The following MANSC1 variants were observed in gnomAD, a reference collection of about 807,000 sequenced individuals.
The protein encoded by MANSC1 is MANSC domain containing 1, also known as MANSC domain-containing protein 1.
Under a neutral mutation model 14.1 loss-of-function variants are expected in MANSC1, and 13 were observed. That is an observed-to-expected ratio of 0.92 (90% confidence interval 0.60 to 1.46). MANSC1 has a LOEUF of 1.46. MANSC1 is among the 40% of genes most tolerant of loss of function. The pLI is 0.00. For synonymous variants in MANSC1, 227 were observed against 200.7 expected (o/e 1.13, Z -1.11); for missense variants, 486 against 511.4 (o/e 0.95, Z 0.48).
intron 1 of MANSC1, among the ~76,000 whole-genome samples, chr12:12,344,968 T>TATATATATATATATATA (rs71061046): frequency 1.9e-5 from 2 of 104,444 alleles, no homozygotes; most frequent in South Asian, 3.3e-4. Flanking sequence ...TATATATATA[T>TATATATATATATATATA]TACACTAGTT....
intron 3 of MANSC1, among the ~76,000 whole-genome samples, 162 bp from the exon 4 acceptor site, chr12:12,331,120 T>C (rs1041266598): frequency 6.6e-6 from 1 of 152,216 alleles, no homozygotes; most frequent in African/African-American, 2.4e-5. Context: ...GGCAGGAGGA[T>C]GGTTTGAGGC....
At chr12:12,341,886 G>A (rs968713522) in intron 2 of MANSC1, among the ~76,000 whole-genome samples, 1 of 152,228 alleles carries the variant, frequency 6.6e-6, no homozygotes, top group Non-Finnish European at 1.5e-5. Flanking sequence ...CAGCTACCCG[G>A]GAGGCTGAGG....
Position 12,343,227 on chromosome 12 carries a change from G to A in MANSC1, c.88C>T (p.Leu30Phe). The change falls in exon 2 of 4, where the codon CTC becomes TTC. Residue 30 changes from leucine (L) to phenylalanine (F), a missense_variant. Coordinates refer to ENST00000535902, the MANE Select transcript of MANSC1 (RefSeq NM_018050.4). ...TLRLSASQNC[L>F]KKSLEDVVID... The stretch of plus-strand genomic sequence containing the variant: ...ACAACATCTTCTAGACTCTTTTTGA[G>A]GCAATTCTGACTAGCAGACAGCCTT... The A allele has an allele frequency of 1.2e-6, 2 of 1,614,050 alleles. No individual in the cohort carries two copies. The highest frequency in any genetic ancestry group is 1.7e-6 in the Non-Finnish European group (2 of 1,179,952).
intron 1 of MANSC1, 40 bp from the exon 2 acceptor site, chr12:12,343,454 T>G: frequency 6.7e-6 from 4 of 593,800 alleles, no homozygotes; most frequent in Non-Finnish European, 1.2e-5. Context: ...GTTTTGTTTC[T>G]TTAACAAACA....
rs1332133124 is a variant in MANSC1, at chr12:12,338,544, G to A, written c.240C>T (p.Asn80=). 2 of 1,612,774 alleles carry A rather than the reference G, an allele frequency of 1.2e-6. No homozygotes were observed. The highest frequency in any genetic ancestry group is 2.7e-5 in the African/African-American group (2 of 74,846). The change falls in exon 3 of 4, where the codon AAC becomes AAT. Residue 80 remains asparagine (N), a synonymous_variant. Coordinates refer to ENST00000535902, the MANE Select transcript of MANSC1 (RefSeq NM_018050.4). ...TTTTTCGAGTGTCGAAGATCATCAA[G>A]TTACATGCTTTGTCCCCTGCAATGA... ...TKNISGDKAC[N]LMIFDTRKTA...
chr12:12,349,921 G>A (rs1171562061), intron 1 of MANSC1, among the ~76,000 whole-genome samples, 157 bp downstream of exon 1: 2 of 152,218 alleles, frequency 1.3e-5, no homozygotes, highest in Non-Finnish European at 2.9e-5. Flanking sequence ...GCGACTCAAG[G>A]ATCCTGGTCA....
At chr12:12,348,547 G>A (rs551818986) in intron 1 of MANSC1, among the ~76,000 whole-genome samples, 1 of 152,244 alleles carries the variant, frequency 6.6e-6, no homozygotes, top group Admixed American at 6.5e-5. Flanking sequence ...AGGAGTGGGA[G>A]GATGAATCGG....
rs1158396206 is a variant in MANSC1, at chr12:12,330,242, C to T, written c.1081G>A (p.Glu361Lys). The T allele has an allele frequency of 1.2e-6, 2 of 1,614,122 alleles. No individual in the cohort carries two copies. The highest frequency in any genetic ancestry group is 1.1e-5 in the South Asian group (1 of 91,088). ...TGGGAGGAACTGCCTGGACTGGCCT[C>T]CCTACCTTCCCAGGAAGCAGTTTTA... ...MNKTASWEGR[E>K]ASPGSSSQGS... Residue 361 changes from glutamate (E) to lysine (K), a missense_variant, in exon 4 of 4, where the codon GAG becomes AAG. Transcript: ENST00000535902.
rs773715083 is a variant in MANSC1, at chr12:12,343,100, T to C, written c.215A>G (p.Asn72Ser). 12 of 1,611,798 alleles carry C rather than the reference T, an allele frequency of 7.4e-6. No individual in the cohort carries two copies. Among genetic ancestry groups the C allele is most frequent in the Middle Eastern group, 3.3e-4 (2 of 6,020 alleles). ...DCINSCCSTKNISGDKACNLM... is the reference protein window; with the variant it reads ...DCINSCCSTKSISGDKACNLM... ...AAGAAACCACTATTTACCTGATATG[T>C]TTTTTGTTGAACAGCAAGAATTAAT... Residue 72 changes from asparagine to serine, a missense_variant, in exon 2 of 4, where the codon AAC becomes AGC. By Grantham distance (46) the Asn-to-Ser change is conservative (BLOSUM62 1). Coordinates refer to ENST00000535902, the MANE Select transcript of MANSC1 (RefSeq NM_018050.4).
At chr12:12,336,105 T>TGC (rs1862856049) in intron 3 of MANSC1, among the ~76,000 whole-genome samples, 1 of 152,094 alleles carries the variant, frequency 6.6e-6, no homozygotes. Flanking sequence ...GCCACTGCAC[T>TGC]CCACCCTGGG....
At chr12:12,340,232 T>C (rs1274988906) in intron 2 of MANSC1, among the ~76,000 whole-genome samples, 1 of 152,206 alleles carries the variant, frequency 6.6e-6, no homozygotes, top group African/African-American at 2.4e-5. Flanking sequence ...GGTCAGCGTA[T>C]CCCTGGTCAG....
intron 3 of MANSC1, among the ~76,000 whole-genome samples, chr12:12,335,265 T>C (rs1206974083): frequency 6.6e-6 from 1 of 151,910 alleles, no homozygotes; most frequent in Non-Finnish European, 1.5e-5. Flanking sequence ...CTAACCAGTC[T>C]TTCCATTTCC....
At chr12:12,331,875 G>A (rs988702020) in intron 3 of MANSC1, among the ~76,000 whole-genome samples, 1 of 152,262 alleles carries the variant, frequency 6.6e-6, no homozygotes, top group South Asian at 2.1e-4. Flanking sequence ...GACTCTCAAA[G>A]ATTAGAATTT....
In MANSC1 at chr12:12,330,527, T is replaced by C; in HGVS notation, c.796A>G (p.Thr266Ala). ...PSGTSQPQLATTAPPVTTVTS... is the reference protein window; with the variant it reads ...PSGTSQPQLAATAPPVTTVTS... Reference sequence around the variant, plus strand: ...ACAGTGGTTACAGGTGGAGCTGTGGTGGCCAGCTGTGGCTGGGAAGTCCCA... The same window carrying C: ...ACAGTGGTTACAGGTGGAGCTGTGGCGGCCAGCTGTGGCTGGGAAGTCCCA... Residue 266 changes from threonine to alanine, a missense_variant, in exon 4 of 4, where the codon ACC becomes GCC. Coordinates refer to ENST00000535902, the MANE Select transcript of MANSC1 (RefSeq NM_018050.4). The C allele has an allele frequency of 1.2e-6, 2 of 1,614,068 alleles. No individual in the cohort carries two copies. The highest frequency in any genetic ancestry group is 1.7e-6 in the Non-Finnish European group (2 of 1,179,986).
chr12:12,338,758 C>A, intron 2 of MANSC1, 198 bp from the exon 3 acceptor site: 1 of 495,074 alleles, frequency 2.0e-6, no homozygotes, highest in East Asian at 3.6e-5. Context: ...TTGGGTTTAG[C>A]TTTTTTTTTT....
intron 2 of MANSC1, among the ~76,000 whole-genome samples, chr12:12,342,032 C>A (rs958363081): frequency 6.6e-6 from 1 of 152,204 alleles, no homozygotes; most frequent in African/African-American, 2.4e-5. Context: ...CAGCCTCAAC[C>A]CCCTAGGATC....
intron 3 of MANSC1, among the ~76,000 whole-genome samples, chr12:12,338,034 A>C (rs1231127838): frequency 6.6e-6 from 1 of 152,230 alleles, no homozygotes; most frequent in Admixed American, 6.5e-5. Flanking sequence ...ATGTGATTAT[A>C]ATGGGAACTT....
chr12:12,330,973 A>T lies in MANSC1; in HGVS notation c.365-15T>A, dbSNP rs1862782712. 2 of 1,502,204 alleles carry T rather than the reference A, an allele frequency of 1.3e-6. No homozygotes were observed. Among genetic ancestry groups the T allele is most frequent in the Non-Finnish European group, 1.8e-6 (2 of 1,103,988 alleles). 93.1% of individuals were successfully genotyped at this position (1,502,204 alleles called of 1,614,324 possible). ...AGATGGAAAATCTGAAAATGTATGG[A>T]AAATAAAAGGAAGGCTTATGTAACT... On this transcript the variant is annotated splice_polypyrimidine_tract_variant and intron_variant, in intron 3 of 3. Transcript: ENST00000535902.
chr12:12,349,026 A>G (rs1279635135), intron 1 of MANSC1, among the ~76,000 whole-genome samples: 1 of 152,254 alleles, frequency 6.6e-6, no homozygotes, highest in African/African-American at 2.4e-5. Context: ...TATTGAGTAT[A>G]GATAATATTT....
Sources: allele counts gnomAD v4.1 joint callset (sites outside exome capture counted in the v4.1 genomes callset), GRCh38; gene constraint gnomAD v4.1.1; transcripts MANE v1.5; gene names NCBI Gene and HGNC (gene_info 2026-07-23, HGNC 2026-07-21).